The following KIAA0825 variants were observed in gnomAD, a reference collection of about 807,000 sequenced individuals.
KIAA0825 encodes the protein uncharacterized protein KIAA0825.
Under a neutral mutation model 147.6 loss-of-function variants are expected in KIAA0825, and 119 were observed. The ratio of observed to expected loss-of-function variants is 0.81; its 90% confidence interval spans 0.69 to 0.94. The LOEUF is 0.94. Ranked by LOEUF, KIAA0825 falls within the 40% of genes least tolerant of loss-of-function variation. The probability of loss-of-function intolerance (pLI) is 0.00; values close to 1 mark genes in which losing one functional copy is unlikely to be tolerated. For synonymous variants in KIAA0825, 470 were observed against 518.1 expected (o/e 0.91, Z 1.26); for missense variants, 1,381 against 1,472.7 (o/e 0.94, Z 1.02).
intron 5 of KIAA0825, among the ~76,000 whole-genome samples, chr5:94,492,606 A>G (rs1202457831): frequency 6.6e-6 from 1 of 152,212 alleles, no homozygotes. Flanking sequence ...GCCTATATGA[A>G]TGAATGGCTT....
chr5:94,582,485 A>T lies in KIAA0825; in HGVS notation c.-54T>A, dbSNP rs1316023536. On this transcript the variant is annotated 5_prime_UTR_variant, in exon 2 of 21. Coordinates refer to ENST00000682413, the MANE Select transcript of KIAA0825 (RefSeq NM_001145678.3). ...ATGAACTGGTCTTCGAATCCTAAGGAGGTAGAAAATTATTTCCTGAAGAGT... is the reference window on the plus strand; with the variant it reads ...ATGAACTGGTCTTCGAATCCTAAGGTGGTAGAAAATTATTTCCTGAAGAGT... 1 of 152,160 alleles carries T rather than the reference A, an allele frequency of 6.6e-6. No individual in the cohort carries two copies. Among genetic ancestry groups the T allele is most frequent in the Non-Finnish European group, 1.5e-5 (1 of 68,038 alleles). 9.4% of individuals were successfully genotyped at this position (152,160 alleles called of 1,614,324 possible). A position where few individuals can be genotyped will look rare whatever the true frequency, so the allele number is the denominator to read the frequency against.
chr5:94,537,533 C>T (rs1584817159), intron 2 of KIAA0825, among the ~76,000 whole-genome samples: 1 of 150,768 alleles, frequency 6.6e-6, no homozygotes, highest in African/African-American at 2.5e-5. Flanking sequence ...CGCCTGTAGT[C>T]CCAGCTACTT....
chr5:94,540,021 TTGTGACCAACAAG>T (rs1480998511), intron 2 of KIAA0825, among the ~76,000 whole-genome samples: 1 of 152,152 alleles, frequency 6.6e-6, no homozygotes, highest in Non-Finnish European at 1.5e-5. Flanking sequence ...AAAGACCCCT[TTGTGACCAACAAG>T]TGGCCACTTG....
At chr5:94,315,687 T>C (rs1327301819) in intron 20 of KIAA0825, among the ~76,000 whole-genome samples, 1 of 151,772 alleles carries the variant, frequency 6.6e-6, no homozygotes, top group East Asian at 1.9e-4. Flanking sequence ...GACTATACAA[T>C]TCCAGTTATA....
chr5:94,246,457 CGT>C (rs1345557609), intron 20 of KIAA0825, among the ~76,000 whole-genome samples: 1 of 152,070 alleles, frequency 6.6e-6, no homozygotes, highest in Non-Finnish European at 1.5e-5. Flanking sequence ...AGATAGGGTG[CGT>C]GTGTGCCTTG....
chr5:94,292,439 G>T (rs536754126), intron 20 of KIAA0825, among the ~76,000 whole-genome samples: 3 of 152,252 alleles, frequency 2.0e-5, no homozygotes, highest in Admixed American at 2.0e-4. Flanking sequence ...AACCAGCCTT[G>T]CATCCCAGGG....
rs183328131 is a variant in KIAA0825 at position 94,420,971 on chromosome 5, A to G, written c.2498-3606T>C. Among the ~76,000 whole-genome samples, 42 of 152,232 alleles carry G rather than the reference A, an allele frequency of 2.8e-4. No homozygotes were observed. In the East Asian group the frequency reaches 5.6e-3, roughly 20 times the overall value. On this transcript the variant is annotated intron_variant, in intron 14 of 20. Coordinates refer to ENST00000682413, the MANE Select transcript of KIAA0825 (RefSeq NM_001145678.3). ...GCCTCATCCTCCTCACATCCACTGTATCCTTTCTTTTCACCTACTCCTTTG... is the reference window on the plus strand; with the variant it reads ...GCCTCATCCTCCTCACATCCACTGTGTCCTTTCTTTTCACCTACTCCTTTG...
intron 2 of KIAA0825, among the ~76,000 whole-genome samples, chr5:94,571,722 G>GT (rs1780001260): frequency 6.6e-6 from 1 of 152,146 alleles, no homozygotes; most frequent in African/African-American, 2.4e-5. Flanking sequence ...ATGGTGGATG[G>GT]TAAGTGTCAA....
intron 20 of KIAA0825, among the ~76,000 whole-genome samples, chr5:94,170,238 G>T (rs1172867963): frequency 1.3e-5 from 2 of 152,076 alleles, no homozygotes; most frequent in Non-Finnish European, 2.9e-5. Flanking sequence ...GACAGAGCTT[G>T]CAGTGAGCCA....
chr5:94,202,476 C>T (rs183823786), intron 20 of KIAA0825, among the ~76,000 whole-genome samples: 11 of 152,278 alleles, frequency 7.2e-5, no homozygotes, highest in East Asian at 1.9e-4. Flanking sequence ...GTGGTGATCT[C>T]TGCCAATGTC....
In KIAA0825 at chr5:94,288,040, A is replaced by G. The variant is rs557737117; in HGVS notation, c.3710+96328T>C. On this transcript the variant is annotated intron_variant, in intron 20 of 20. Transcript: ENST00000682413. Reference sequence around the variant, plus strand: ...AGTTTAAAGGACATGAGCCATGTCTATTGCTTCTGCTCCTTTATAAAAGAC... The same window carrying G: ...AGTTTAAAGGACATGAGCCATGTCTGTTGCTTCTGCTCCTTTATAAAAGAC... 2.0e-5 allele frequency among the ~76,000 whole-genome samples: 3 copies of G among 152,250 alleles called. No individual in the cohort carries two copies. The South Asian group carries it at 6.2e-4, about 32-fold the overall frequency.
chr5:94,594,125 A>G (rs1784837017), intron 1 of KIAA0825: 1 of 550,040 alleles, frequency 1.8e-6, no homozygotes, highest in East Asian at 5.1e-5. Context: ...GCCACACTTG[A>G]ATATTTTCCT....
chr5:94,563,446 T>C (rs1777954858), intron 2 of KIAA0825, among the ~76,000 whole-genome samples: 1 of 152,096 alleles, frequency 6.6e-6, no homozygotes, highest in Non-Finnish European at 1.5e-5. Flanking sequence ...GTGAAACTGA[T>C]GTTCTTGACA....
At position 94,593,169 on chromosome 5, in the gene KIAA0825, G is replaced by A. The variant is rs145412954; in HGVS notation, c.-152-10586C>T. 4,382 of 747,700 alleles carry A rather than the reference G, an allele frequency of 5.9e-3. 18 individuals carry two copies. Among genetic ancestry groups the A allele is most frequent in the Non-Finnish European group, 8.8e-3 (3,511 of 396,910 alleles). The allele number at this position is 747,700 out of a possible 1,614,324, so 46.3% of individuals were successfully genotyped here. On this transcript the variant is annotated intron_variant, in intron 1 of 20. Transcript: ENST00000682413. The stretch of plus-strand genomic sequence containing the variant: ...AGTTTGCTGGTGAGGCCCACGATCC[G>A]CTAGTTGAAGCACTAGTTACAGAAG...
At chr5:94,583,527 C>T (rs982344945) in intron 1 of KIAA0825, among the ~76,000 whole-genome samples, 11 of 152,176 alleles carry the variant, frequency 7.2e-5, no homozygotes, top group African/African-American at 2.4e-4. Context: ...CCCAGAAGCT[C>T]GAACTGGGTA....
chr5:94,551,272 G>A (rs1347454412), intron 2 of KIAA0825, among the ~76,000 whole-genome samples: 1 of 151,822 alleles, frequency 6.6e-6, no homozygotes, highest in South Asian at 2.1e-4. Context: ...GAAAAGAGAA[G>A]GACAAAGATA....
intron 20 of KIAA0825, among the ~76,000 whole-genome samples, chr5:94,188,296 C>A (rs1770345007): frequency 6.6e-6 from 1 of 152,176 alleles, no homozygotes; most frequent in African/African-American, 2.4e-5. Context: ...AGTGTTGATA[C>A]TTTGAGGCAT....
intron 20 of KIAA0825, among the ~76,000 whole-genome samples, chr5:94,246,653 T>C (rs1775630806): frequency 6.6e-6 from 1 of 152,200 alleles, no homozygotes; most frequent in South Asian, 2.1e-4. Flanking sequence ...TCCATAGCTA[T>C]AATGCATACA....
chr5:94,499,196 TG>T (rs1211500700), intron 5 of KIAA0825, among the ~76,000 whole-genome samples: 1 of 152,178 alleles, frequency 6.6e-6, no homozygotes, highest in Non-Finnish European at 1.5e-5. Context: ...AGACATCATA[TG>T]GAACTCTCAG....
Sources: gnomAD v4.1 joint callset for allele counts (sites outside exome capture counted in the v4.1 genomes callset) on GRCh38, gnomAD v4.1.1 for gene constraint, MANE v1.5 for transcripts, NCBI Gene and HGNC (gene_info 2026-07-23, HGNC 2026-07-21) for gene names.